Variants in PABPC1L observed in about 807,000 individuals in gnomAD.
PABPC1L encodes poly(A) binding protein cytoplasmic 1 like.
In PABPC1L, 31 loss-of-function variants were observed where a neutral mutation model predicts 66.6. The observed-to-expected ratio is 0.47, with a 90% CI of 0.35 to 0.63. The LOEUF (loss-of-function observed/expected upper bound fraction) is 0.63, where lower values mean the gene tolerates loss of function less well. Ranked by LOEUF, PABPC1L falls within the 20% of genes least tolerant of loss-of-function variation. The pLI is 0.00. For synonymous variants in PABPC1L, 348 were observed against 335.1 expected, an observed-to-expected ratio of 1.04 and a Z score of -0.42; for missense variants, 722 against 848.8, an observed-to-expected ratio of 0.85 and a Z score of 1.86.
chr20:44,925,083 C>T (rs1037341426), intron 7 of PABPC1L, among the ~76,000 whole-genome samples: 3 of 145,096 alleles, frequency 2.1e-5, no homozygotes, highest in African/African-American at 5.7e-5. Context: ...CATGATGGCA[C>T]GTGCCTATAG....
chr20:44,932,596 G>T (rs115819942), intron 9 of PABPC1L, 164 bp downstream of exon 9: 7 of 588,328 alleles, frequency 1.2e-5, no homozygotes, highest in Non-Finnish European at 2.1e-5. Context: ...TGAATGAGAC[G>T]TGTGTAAAGT....
chr20:44,918,378 TAGTCAATGCCCCCC>T (rs1465085726), intron 3 of PABPC1L, among the ~76,000 whole-genome samples: 2 of 152,208 alleles, frequency 1.3e-5, no homozygotes, highest in African/African-American at 4.8e-5. Flanking sequence ...TAAGTGATTT[TAGTCAATGCCCCCC>T]ATAGCAACAC....
chr20:44,939,087 A>G (rs949101974), intron 14 of PABPC1L, 39 bp from the exon 15 acceptor site: 13 of 717,424 alleles, frequency 1.8e-5, no homozygotes, highest in African/African-American at 8.7e-5. Flanking sequence ...GGTGTCTGCC[A>G]TACTTTAAAA....
intron 8 of PABPC1L, chr20:44,931,538 A>G (rs531350524): frequency 3.9e-5 from 6 of 152,220 alleles, no homozygotes; most frequent in East Asian, 1.9e-4. Flanking sequence ...TCTGTTGCCC[A>G]GAATGGAGTG....
intron 12 of PABPC1L, 93 bp downstream of exon 12, chr20:44,936,823 G>A: frequency 7.6e-7 from 1 of 1,317,176 alleles, no homozygotes; most frequent in African/African-American, 1.5e-5. Flanking sequence ...GGTCCAACGT[G>A]AGGTCAAATT....
In PABPC1L at chr20:44,914,204, C is replaced by CTT. The variant is rs1201412446; in HGVS notation, c.387+1370_387+1371dup. Among the ~76,000 whole-genome samples the CTT allele has an allele frequency of 1.3e-3, 150 of 114,346 alleles. 4 individuals carry two copies. The highest frequency in any genetic ancestry group is 4.0e-3 in the East Asian group (16 of 4,018). The allele number at this position is 114,346 out of a possible 152,430, so 75.0% of individuals were successfully genotyped here. A position where few individuals can be genotyped will look rare whatever the true frequency, so the allele number is the denominator to read the frequency against. ...AGTTTTTGTAGCCTATGTGTCAGAA[C>CTT]TTTTTTTTTTTTTTTTTTTTGAGAC... is the stretch of plus-strand genomic sequence containing the variant. On this transcript the variant is annotated intron_variant, in intron 2 of 14. Coordinates refer to ENST00000217073, the MANE Select transcript of PABPC1L (RefSeq NM_001372179.1).
chr20:44,918,285 G>A (rs747884219), intron 3 of PABPC1L, among the ~76,000 whole-genome samples: 1 of 152,146 alleles, frequency 6.6e-6, no homozygotes. Flanking sequence ...AGCTGAGATG[G>A]CACCACTGTA....
intron 11 of PABPC1L, among the ~76,000 whole-genome samples, chr20:44,936,258 C>T (rs2066899873): frequency 6.6e-6 from 1 of 152,150 alleles, no homozygotes; most frequent in South Asian, 2.1e-4. Context: ...AGCCACCACA[C>T]CTGGCCAAAA....
At chr20:44,914,676 G>C (rs972364302) in intron 2 of PABPC1L, among the ~76,000 whole-genome samples, 1 of 152,138 alleles carries the variant, frequency 6.6e-6, no homozygotes, top group African/African-American at 2.4e-5. Context: ...AGAGAGACGG[G>C]GCTGTTTCCT....
chr20:44,930,634 A>C lies in PABPC1L; in HGVS notation c.1147A>C (p.Met383Leu), dbSNP rs374768688. ...ERKAILTNQY[M>L]QRLSTMRTLS... ...GAAGGCCATCTTGACCAACCAGTAC[A>C]TGCAGCGCCTCTCCACCATGCGGAC... The change falls in exon 8 of 15, where the codon ATG becomes CTG. Residue 383 changes from methionine (M) to leucine (L), a missense_variant. By Grantham distance (15) the Met-to-Leu change is conservative (BLOSUM62 2). This residue lies in a region of PABPC1L where 301 missense variants were observed against 337.2 expected (regional missense o/e 0.89). Coordinates refer to ENST00000217073, the MANE Select transcript of PABPC1L (RefSeq NM_001372179.1). 139 of 1,614,200 alleles carry C rather than the reference A, an allele frequency of 8.6e-5. No individual in the cohort carries two copies. Among genetic ancestry groups the C allele is most frequent in the Non-Finnish European group, 1.1e-4 (127 of 1,180,036 alleles).
intron 3 of PABPC1L, among the ~76,000 whole-genome samples, chr20:44,917,624 A>G (rs2066746290): frequency 6.6e-6 from 1 of 152,148 alleles, no homozygotes; most frequent in South Asian, 2.1e-4. Context: ...AGATGGGAAA[A>G]CTGAGAGGCA....
At chr20:44,937,864 A>T in intron 12 of PABPC1L, 197 bp from the exon 13 acceptor site, 1 of 697,384 alleles carries the variant, frequency 1.4e-6, no homozygotes, top group Non-Finnish European at 2.3e-6. Flanking sequence ...CATTGCTGAG[A>T]TGGGCTGACC....
chr20:44,933,281 C>A, intron 10 of PABPC1L, 96 bp downstream of exon 10: 1 of 1,034,038 alleles, frequency 9.7e-7, no homozygotes, highest in South Asian at 1.4e-5. Flanking sequence ...TATGCCCTCT[C>A]GGTGAGCAAA....
intron 3 of PABPC1L, 58 bp downstream of exon 3, chr20:44,916,929 C>T (rs2066742023): frequency 6.6e-7 from 1 of 1,514,258 alleles, no homozygotes. Flanking sequence ...CATGGCACCA[C>T]CGACTAGGAA....
intron 7 of PABPC1L, among the ~76,000 whole-genome samples, chr20:44,926,826 C>T (rs1015573917): frequency 2.6e-5 from 4 of 152,102 alleles, no homozygotes; most frequent in South Asian, 2.1e-4. Flanking sequence ...AGATTATAGG[C>T]GTGAACCACT....
At position 44,910,442 on chromosome 20, in the gene PABPC1L, C is replaced by T. The variant is rs545739657; in HGVS notation, c.193+106C>T. On this transcript the variant is annotated intron_variant, in intron 1 of 14. Transcript: ENST00000217073. ...GCGCTTTCATCTTACACTTTGCAGC[C>T]GGGGAAACTGAGGCTCAAAGATAAC... 9 of 1,267,566 alleles carry T rather than the reference C, an allele frequency of 7.1e-6. No homozygotes were observed. In the South Asian group the frequency reaches 7.9e-5, roughly 11 times the overall value. The allele number at this position is 1,267,566 out of a possible 1,614,324, so 78.5% of individuals were successfully genotyped here. A position where few individuals can be genotyped will look rare whatever the true frequency, so the allele number is the denominator to read the frequency against.
intron 2 of PABPC1L, among the ~76,000 whole-genome samples, chr20:44,916,001 G>GA (rs539528194): frequency 8.6e-4 from 130 of 150,652 alleles, no homozygotes; most frequent in African/African-American, 3.0e-3. Context: ...AGCCTGAATG[G>GA]ATTTTTTTTT....
At chr20:44,919,377 G>A (rs537898844) in intron 5 of PABPC1L, 100 bp downstream of exon 5, 31 of 1,329,314 alleles carry the variant, frequency 2.3e-5, no homozygotes, top group African/African-American at 1.2e-4. Context: ...GTCCCTCCCC[G>A]GCCTAAGCCA....
chr20:44,922,651 A>T (rs1184902452), intron 6 of PABPC1L, among the ~76,000 whole-genome samples: 1 of 152,168 alleles, frequency 6.6e-6, no homozygotes, highest in South Asian at 2.1e-4. Flanking sequence ...GATTACAGGC[A>T]TGAGCCACCA....
Sources: gnomAD v4.1 joint callset for allele counts (sites outside exome capture counted in the v4.1 genomes callset) on GRCh38, gnomAD v4.1.1 for gene constraint, gnomAD v4.1.1 regional missense constraint, MANE v1.5 for transcripts, NCBI Gene and HGNC (gene_info 2026-07-23, HGNC 2026-07-21) for gene names.